Variants in C11orf71 observed in about 807,000 individuals in gnomAD.
C11orf71 encodes the protein uncharacterized protein C11orf71.
For synonymous variants in C11orf71, 72 were observed against 73.4 expected (o/e 0.98, Z 0.09); for missense variants, 179 against 167.6 (o/e 1.07, Z -0.38).
chr11:114,394,284 T>TCTC (rs1565256776), downstream of C11orf71, among the ~76,000 whole-genome samples: 35 of 84,462 alleles, frequency 4.1e-4, 1 homozygote, highest in African/African-American at 2.3e-3. Context: ...TTTCTTTTCT[T>TCTC]TTCTCTTATT....
chr11:114,400,102 TC>T lies in C11orf71; in HGVS notation c.229del (p.Glu77AsnfsTer26). The T allele has an allele frequency of 6.2e-7, 1 of 1,613,384 alleles. No homozygotes were observed. The highest frequency in any genetic ancestry group is 1.1e-5 in the South Asian group (1 of 91,076). On this transcript the variant is annotated frameshift_variant, in exon 1 of 1. Coordinates refer to ENST00000623205, the MANE Select transcript of C11orf71 (RefSeq NM_001271562.2). LOFTEE classifies it low-confidence loss of function (END_TRUNC). ...GCGGCTCCGGCCCCGGCCATCTGGT[TC>T]CCTTGGGCTCCGGCCGCCACCATCC... ...RVDGGGRSPR[E>X]PDGRGRSRQA...
At chr11:114,394,794 C>T (rs1393902489), downstream of C11orf71, among the ~76,000 whole-genome samples, 2 of 151,806 alleles carry the variant, frequency 1.3e-5, no homozygotes, top group South Asian at 2.1e-4. Flanking sequence ...ATGTTATATG[C>T]ATTAAATATT....
downstream of C11orf71, among the ~76,000 whole-genome samples, chr11:114,396,083 A>T (rs538784744): frequency 2.6e-5 from 4 of 152,322 alleles, no homozygotes; most frequent in South Asian, 8.3e-4. Flanking sequence ...AGCTTACCAA[A>T]GTCTGACACA....
downstream of C11orf71, among the ~76,000 whole-genome samples, chr11:114,394,262 C>CTTTTCTTTTCTTTTCTTTTCTTTTG (rs1946107770): frequency 1.5e-5 from 1 of 65,166 alleles, no homozygotes; most frequent in Non-Finnish European, 2.6e-5. Context: ...CTTTTCTTTT[C>CTTTTCTTTTCTTTTCTTTTCTTTTG]TTTTCTTTTC....
At chr11:114,391,959 A>T (rs1044850967) in intron 1 of C11orf71, among the ~76,000 whole-genome samples, 10 of 152,138 alleles carry the variant, frequency 6.6e-5, no homozygotes, top group African/African-American at 1.9e-4. Context: ...CACCAAATTC[A>T]GCACAACGAT....
At chr11:114,394,039 G>C (rs1369599903), downstream of C11orf71, among the ~76,000 whole-genome samples, 2 of 151,898 alleles carry the variant, frequency 1.3e-5, no homozygotes, top group Non-Finnish European at 2.9e-5. Flanking sequence ...GAGTGCAGTG[G>C]TGCGATCTAG....
At chr11:114,397,130 GTATGA>G (rs1409919915), downstream of C11orf71, among the ~76,000 whole-genome samples, 12 of 152,116 alleles carry the variant, frequency 7.9e-5, no homozygotes, top group Admixed American at 3.9e-4. Context: ...CAGTTGCTTA[GTATGA>G]TATAAGAAGT....
At chr11:114,394,261 TC>T (rs1158634418), downstream of C11orf71, among the ~76,000 whole-genome samples, 30 of 71,678 alleles carry the variant, frequency 4.2e-4, 2 homozygotes, top group African/African-American at 2.3e-3. Flanking sequence ...TCTTTTCTTT[TC>T]TTTTCTTTTC....
At chr11:114,394,130 T>C (rs913619565), downstream of C11orf71, among the ~76,000 whole-genome samples, 4 of 149,370 alleles carry the variant, frequency 2.7e-5, no homozygotes, top group African/African-American at 7.4e-5. Flanking sequence ...CAGGCGCCCA[T>C]CACCACTCCG....
Position 114,400,016 on chromosome 11 carries a change from G to C in C11orf71, c.316C>G (p.Leu106Val). The change falls in exon 1 of 1, where the codon CTG becomes GTG. Residue 106 changes from leucine (L) to valine (V), a missense_variant. Physicochemically the swap from Leu to Val is conservative, Grantham distance 32. Coordinates refer to ENST00000623205, the MANE Select transcript of C11orf71 (RefSeq NM_001271562.2). ...CCTAATGCAATCAAACGCTGTTGCAGCACACTTCTTAGGAGATCGGGTTCA... is the reference window on the plus strand; with the variant it reads ...CCTAATGCAATCAAACGCTGTTGCACCACACTTCTTAGGAGATCGGGTTCA... Reference protein sequence around the residue: ...AVEPDLLRSVLQQRLIALGGV... With the variant: ...AVEPDLLRSVVQQRLIALGGV... 1 of 1,613,928 alleles carries C rather than the reference G, an allele frequency of 6.2e-7. No individual in the cohort carries two copies. The highest frequency in any genetic ancestry group is 8.5e-7 in the Non-Finnish European group (1 of 1,179,792).
chr11:114,400,172 G>A lies in C11orf71; in HGVS notation c.160C>T (p.Arg54Trp), dbSNP rs1032419912. ...SRPEAIHLGP[R>W]QAVRPSVRAE... ...CGAACGCTTGGTCGCACCGCCTGCC[G>A]AGGTCCTAGATGAATCGCTTCAGGC... The change falls in exon 1 of 1, where the codon CGG (arginine) becomes TGG (tryptophan). Residue 54 changes from arginine (R) to tryptophan (W), a missense_variant. Coordinates refer to ENST00000623205, the MANE Select transcript of C11orf71 (RefSeq NM_001271562.2). The A allele has an allele frequency of 5.6e-6, 9 of 1,613,640 alleles. No individual in the cohort carries two copies. The African/African-American group carries it at 1.1e-4, about 19-fold the overall frequency.
Position 114,400,195 on chromosome 11 carries a change from G to C in C11orf71, c.137C>G (p.Pro46Arg), listed in dbSNP as rs561777897. ...CCGAGGTCCTAGATGAATCGCTTCA[G>C]GCCTGGAAACGAGGAAGCCGTCTCC... ...VSGDGFLVSRPEAIHLGPRQA... is the reference protein window; with the variant it reads ...VSGDGFLVSRREAIHLGPRQA... Residue 46 changes from proline (P) to arginine (R), a missense_variant, in exon 1 of 1, where the codon CCT becomes CGT. By Grantham distance (103) the Pro-to-Arg change is moderately radical. Coordinates refer to ENST00000623205, the MANE Select transcript of C11orf71 (RefSeq NM_001271562.2). The C allele has an allele frequency of 6.2e-7, 1 of 1,613,600 alleles. No homozygotes were observed. Among genetic ancestry groups the C allele is most frequent in the African/African-American group, 1.3e-5 (1 of 75,028 alleles).
At chr11:114,392,616 A>AAGTGT (rs1326772423) in intron 1 of C11orf71, among the ~76,000 whole-genome samples, 14 of 151,432 alleles carry the variant, frequency 9.2e-5, no homozygotes, top group Non-Finnish European at 2.1e-4. Context: ...CTGTAATCCC[A>AAGTGT]GCTACTGGGG....
chr11:114,392,613 C>G (rs1409809820), intron 1 of C11orf71, among the ~76,000 whole-genome samples: 14 of 150,582 alleles, frequency 9.3e-5, no homozygotes, highest in Non-Finnish European at 2.1e-4. Flanking sequence ...TGCCTGTAAT[C>G]CCAGCTACTG....
chr11:114,396,967 T>TC (rs1465635935), downstream of C11orf71, among the ~76,000 whole-genome samples: 3 of 152,324 alleles, frequency 2.0e-5, no homozygotes, highest in South Asian at 2.1e-4. Context: ...GGTCTTTTTT[T>TC]CCAATCTCCC....
Position 114,400,328 on chromosome 11 carries a change from C to A in C11orf71, c.4G>T (p.Ala2Ser). 1 of 1,602,318 alleles carries A rather than the reference C, an allele frequency of 6.2e-7. No individual in the cohort carries two copies. The highest frequency in any genetic ancestry group is 8.5e-7 in the Non-Finnish European group (1 of 1,174,534). Residue 2 changes from alanine (A) to serine (S), a missense_variant, in exon 1 of 1, where the codon GCC becomes TCC. Physicochemically the swap from Ala to Ser is moderately conservative, Grantham distance 99. Coordinates refer to ENST00000623205, the MANE Select transcript of C11orf71 (RefSeq NM_001271562.2). ...GAGGACAGGGACACATTGTTCAGGG[C>A]CATATTCAAACACTGCCCGCAGTAC... M[A>S]LNNVSLSSGD...
At chr11:114,395,003 T>G (rs1946119897), downstream of C11orf71, among the ~76,000 whole-genome samples, 1 of 151,284 alleles carries the variant, frequency 6.6e-6, no homozygotes, top group Non-Finnish European at 1.5e-5. Context: ...ACATGTTGTA[T>G]TTTTGGATTT....
chr11:114,391,516 T>C, exon 2 of C11orf71: 1 of 1,124,408 alleles, frequency 8.9e-7, no homozygotes, highest in Non-Finnish European at 1.2e-6. Context: ...CAATTTCATA[T>C]CCAATTTTTA....
downstream of C11orf71, among the ~76,000 whole-genome samples, chr11:114,397,803 G>C (rs1270112142): frequency 6.6e-6 from 1 of 152,058 alleles, no homozygotes; most frequent in Non-Finnish European, 1.5e-5. Flanking sequence ...GAGCCAACTG[G>C]TCTGCCTGTC....
Sources: allele counts gnomAD v4.1 joint callset (sites outside exome capture counted in the v4.1 genomes callset), GRCh38; gene constraint gnomAD v4.1.1; transcripts MANE v1.5; gene names NCBI Gene and HGNC (gene_info 2026-07-23, HGNC 2026-07-21).